PPM1H: variants seen among roughly 807,000 people sequenced by gnomAD.
The protein encoded by PPM1H is protein phosphatase 1H.
In PPM1H, 27 loss-of-function variants were observed where a neutral mutation model predicts 54.9. The ratio of observed to expected loss-of-function variants is 0.49; its 90% CI spans 0.36 to 0.68. The LOEUF (loss-of-function observed/expected upper bound fraction) is 0.68, where lower values mean the gene tolerates loss of function less well. Among genes scored for constraint, PPM1H ranks in the 30% least tolerant of loss-of-function variants. The pLI, the probability that PPM1H is intolerant of heterozygous loss-of-function variation, is 0.00. For missense variants in PPM1H, 596 were observed against 667.8 expected (o/e 0.89, Z 1.19); for synonymous variants, 305 against 270.8 (o/e 1.13, Z -1.24).
At chr12:62,669,217 C>T (rs990400101) in intron 8 of PPM1H, among the ~76,000 whole-genome samples, 14 of 152,208 alleles carry the variant, frequency 9.2e-5, no homozygotes, top group Non-Finnish European at 1.9e-4. Flanking sequence ...ACCAGAAAGT[C>T]CCAAATGTCA....
At chr12:62,705,665 C>T (rs923721742) in intron 6 of PPM1H, among the ~76,000 whole-genome samples, 14 of 152,140 alleles carry the variant, frequency 9.2e-5, no homozygotes, top group African/African-American at 2.9e-4. Flanking sequence ...CACACTTGGC[C>T]GTAACAGCTT....
At chr12:62,859,895 C>T (rs775443350) in intron 1 of PPM1H, among the ~76,000 whole-genome samples, 1 of 152,030 alleles carries the variant, frequency 6.6e-6, no homozygotes, top group Non-Finnish European at 1.5e-5. Flanking sequence ...GTTAGAAGCA[C>T]AGAATTAAAA....
chr12:62,728,101 C>T (rs528460570), intron 5 of PPM1H, among the ~76,000 whole-genome samples: 7 of 152,194 alleles, frequency 4.6e-5, no homozygotes, highest in East Asian at 1.9e-4. Context: ...GGGGAGAGGG[C>T]GGAGGTATAC....
chr12:62,856,218 TG>T (rs1229176804), intron 1 of PPM1H, among the ~76,000 whole-genome samples: 2 of 152,202 alleles, frequency 1.3e-5, no homozygotes, highest in Non-Finnish European at 2.9e-5. Flanking sequence ...TCCAGGACAC[TG>T]TTCTGTGAAA....
At chr12:62,874,278 G>A (rs1870087415) in intron 1 of PPM1H, among the ~76,000 whole-genome samples, 1 of 152,168 alleles carries the variant, frequency 6.6e-6, no homozygotes, top group South Asian at 2.1e-4. Flanking sequence ...TCCCAGGCAA[G>A]GCTGGCACAG....
intron 5 of PPM1H, among the ~76,000 whole-genome samples, chr12:62,731,369 C>T (rs1454821611): frequency 2.0e-5 from 3 of 152,196 alleles, no homozygotes; most frequent in Admixed American, 6.6e-5. Context: ...GCCACCTGCT[C>T]TCAAGGTTAG....
chr12:62,754,685 G>A (rs944230965), intron 4 of PPM1H, among the ~76,000 whole-genome samples: 1 of 152,164 alleles, frequency 6.6e-6, no homozygotes, highest in African/African-American at 2.4e-5. Flanking sequence ...CATTCCCAAT[G>A]CTTCTCTCCC....
intron 1 of PPM1H, among the ~76,000 whole-genome samples, chr12:62,911,200 A>C (rs1871448578): frequency 6.6e-6 from 1 of 152,188 alleles, no homozygotes; most frequent in Admixed American, 6.5e-5. Context: ...CCAAAGTCTG[A>C]GTGGGGCTAG....
Position 62,701,218 on chromosome 12 carries a change from G to A in PPM1H, c.1074-7219C>T, listed in dbSNP as rs565573936. 5.9e-5 allele frequency among the ~76,000 whole-genome samples: 9 copies of A among 152,330 alleles called. 1 individual carries two copies. Among genetic ancestry groups the A allele is most frequent in the African/African-American group, 1.9e-4 (8 of 41,564 alleles). ...AAGCAAAGAGTCTCCTTGTTCGGCT[G>A]CTTTCTATGTCTGACTATGCTGTTC... On this transcript the variant is annotated intron_variant, in intron 6 of 9. Transcript: ENST00000228705.
At chr12:62,664,438 G>A (rs2075905050) in intron 9 of PPM1H, among the ~76,000 whole-genome samples, 1 of 151,942 alleles carries the variant, frequency 6.6e-6, no homozygotes, top group Non-Finnish European at 1.5e-5. Flanking sequence ...TCCTTTACTA[G>A]TTTAGAAGTT....
chr12:62,667,125 T>C, intron 9 of PPM1H, 53 bp downstream of exon 9: 4 of 1,485,598 alleles, frequency 2.7e-6, no homozygotes, highest in Non-Finnish European at 3.7e-6. Flanking sequence ...ATTTCAGGCA[T>C]GTCATGGAAG....
chr12:62,775,301 G>C (rs11174640), intron 4 of PPM1H, among the ~76,000 whole-genome samples: 1 of 152,194 alleles, frequency 6.6e-6, no homozygotes, highest in South Asian at 2.1e-4. Context: ...CCGAGTTCAG[G>C]GGGCTTCACA....
At chr12:62,837,577 T>C (rs1436970220) in intron 1 of PPM1H, among the ~76,000 whole-genome samples, 2 of 152,316 alleles carry the variant, frequency 1.3e-5, no homozygotes, top group Non-Finnish European at 2.9e-5. Flanking sequence ...TGATTCAAAC[T>C]TGGTCTCTGT....
intron 2 of PPM1H, among the ~76,000 whole-genome samples, chr12:62,826,142 A>T (rs1331933852): frequency 6.6e-6 from 1 of 152,194 alleles, no homozygotes; most frequent in East Asian, 1.9e-4. Context: ...CCAATTCATT[A>T]TTATCTGTAG....
chr12:62,824,641 G>A (rs1311857994), intron 2 of PPM1H, among the ~76,000 whole-genome samples: 2 of 152,256 alleles, frequency 1.3e-5, no homozygotes, highest in African/African-American at 4.8e-5. Flanking sequence ...ACAAAAACAA[G>A]AAATGGGGAA....
chr12:62,717,451 C>CAGAGAGAGAG (rs60561309), intron 6 of PPM1H, among the ~76,000 whole-genome samples: 3 of 148,538 alleles, frequency 2.0e-5, no homozygotes, highest in African/African-American at 7.4e-5. Context: ...CATGCTAATG[C>CAGAGAGAGAG]AGAGAGAGAG....
chr12:62,864,649 A>G (rs1869713683), intron 1 of PPM1H, among the ~76,000 whole-genome samples: 1 of 152,244 alleles, frequency 6.6e-6, no homozygotes, highest in African/African-American at 2.4e-5. Flanking sequence ...CCTCTCTTTA[A>G]CCCTTAACCA....
At chr12:62,926,952 T>C (rs938239330) in intron 1 of PPM1H, among the ~76,000 whole-genome samples, 5 of 152,116 alleles carry the variant, frequency 3.3e-5, no homozygotes, top group African/African-American at 1.2e-4. Context: ...AGACTCTGTC[T>C]CAAAAAACAA....
intron 2 of PPM1H, among the ~76,000 whole-genome samples, chr12:62,817,475 C>A (rs1438873472): frequency 3.3e-5 from 5 of 149,522 alleles, no homozygotes; most frequent in African/African-American, 1.3e-4. Flanking sequence ...AAAAAACAAA[C>A]AAACAAACAA....
Sources: gnomAD v4.1 joint callset for allele counts (sites outside exome capture counted in the v4.1 genomes callset) on GRCh38, gnomAD v4.1.1 for gene constraint, MANE v1.5 for transcripts, NCBI Gene and HGNC (gene_info 2026-07-23, HGNC 2026-07-21) for gene names.